CCAR1: variants seen among roughly 807,000 people sequenced by gnomAD.
The protein encoded by CCAR1 is cell division cycle and apoptosis regulator protein 1.
Under a neutral mutation model 163.8 loss-of-function variants are expected in CCAR1, and 78 were observed. That is an observed-to-expected ratio of 0.48 (90% confidence interval 0.40 to 0.57). The LOEUF (loss-of-function observed/expected upper bound fraction) is 0.57, where lower values mean the gene tolerates loss of function less well. Ranked by LOEUF, CCAR1 falls within the 20% of genes least tolerant of loss-of-function variation. CCAR1 has a pLI of 0.00. For missense variants in CCAR1, 1,019 were observed against 1,365.2 expected, an observed-to-expected ratio of 0.75 and a Z score of 4.00; for synonymous variants, 443 against 460.7, an observed-to-expected ratio of 0.96 and a Z score of 0.49.
Position 68,763,983 on chromosome 10 carries a change from T to C in CCAR1, c.2107-1905T>C, listed in dbSNP as rs533218713. 9.2e-5 allele frequency among the ~76,000 whole-genome samples: 14 copies of C among 152,324 alleles called. No individual in the cohort carries two copies. The South Asian group carries it at 2.9e-3, about 32-fold the overall frequency. On this transcript the variant is annotated intron_variant, in intron 16 of 24. Transcript: ENST00000265872. ...AGAATGGTATTTAGAATCCAAGATA[T>C]GCTCATTGCAATTAGGTTGCTGCTC...
intron 4 of CCAR1, among the ~76,000 whole-genome samples, chr10:68,739,817 T>A (rs890838640): frequency 6.6e-6 from 1 of 152,212 alleles, no homozygotes; most frequent in Non-Finnish European, 1.5e-5. Flanking sequence ...TTTGATATGA[T>A]CTAATCTCTA....
intron 6 of CCAR1, among the ~76,000 whole-genome samples, chr10:68,745,886 G>A (rs561119261): frequency 1.7e-4 from 26 of 152,146 alleles, no homozygotes; most frequent in African/African-American, 5.8e-4. Flanking sequence ...GCAAGTGATC[G>A]TTTGATTTTT....
Position 68,750,410 on chromosome 10 carries a change from C to T in CCAR1, c.1118+725C>T, listed in dbSNP as rs539594618. Among the ~76,000 whole-genome samples the T allele has an allele frequency of 9.2e-5, 14 of 151,852 alleles. No individual in the cohort carries two copies. The East Asian group carries it at 1.7e-3, about 19-fold the overall frequency. ...CTAATTTTTGTATTTTTAGTAGGGACGGGGTTTCACCATGTTGTTGGCCAG... is the reference window on the plus strand; with the variant it reads ...CTAATTTTTGTATTTTTAGTAGGGATGGGGTTTCACCATGTTGTTGGCCAG... On this transcript the variant is annotated intron_variant, in intron 10 of 24. Transcript: ENST00000265872.
chr10:68,782,000 T>C (rs1159887761), intron 19 of CCAR1, among the ~76,000 whole-genome samples: 1 of 152,186 alleles, frequency 6.6e-6, no homozygotes, highest in Non-Finnish European at 1.5e-5. Context: ...TTAGCCATGT[T>C]GTGAATGCAA....
rs772905932 is a variant in CCAR1, at chr10:68,771,328, A to G, written c.2421A>G (p.Lys807=). Residue 807 remains lysine, a synonymous_variant, in exon 18 of 25, where the codon AAA becomes AAG. Coordinates refer to ENST00000265872, the MANE Select transcript of CCAR1 (RefSeq NM_018237.4). The part of the protein sequence containing the change: ...EDKKEKDKKS[K]KDERKDKKEE... ...AAAAAGAAAAGGATAAAAAAAGCAA[A>G]AAAGATGAGAGAAAAGATAAAAAAG... is the stretch of plus-strand genomic sequence containing the variant. 2.5e-6 allele frequency: 4 copies of G among 1,609,276 alleles called. No individual in the cohort carries two copies. Among genetic ancestry groups the G allele is most frequent in the Non-Finnish European group, 3.4e-6 (4 of 1,177,356 alleles).
At chr10:68,782,118 TAGA>T (rs922645161) in intron 19 of CCAR1, among the ~76,000 whole-genome samples, 1 of 152,156 alleles carries the variant, frequency 6.6e-6, no homozygotes, top group African/African-American at 2.4e-5. Flanking sequence ...GGGGTCAGAA[TAGA>T]AGGTCACACC....
intron 10 of CCAR1, among the ~76,000 whole-genome samples, 171 bp from the exon 11 acceptor site, chr10:68,753,681 G>A (rs760775127): frequency 2.0e-5 from 3 of 152,156 alleles, no homozygotes; most frequent in African/African-American, 4.8e-5. Context: ...ATATAAATTT[G>A]AACGTAATAT....
chr10:68,747,276 G>A lies in CCAR1; in HGVS notation c.633+1G>A. On this transcript the variant is annotated splice_donor_variant, in intron 7 of 24. Transcript: ENST00000265872. LOFTEE classifies it high-confidence loss of function. ...GAGAATTCAAACACTACCAAATCAG[G>A]TACAGAAAGTATTGAGTTAGGTATT... The A allele has an allele frequency of 6.3e-7, 1 of 1,592,224 alleles. No individual in the cohort carries two copies. The highest frequency in any genetic ancestry group is 8.6e-7 in the Non-Finnish European group (1 of 1,164,290).
chr10:68,774,312 G>A (rs1047435940), intron 19 of CCAR1, among the ~76,000 whole-genome samples: 3 of 152,146 alleles, frequency 2.0e-5, no homozygotes, highest in Non-Finnish European at 4.4e-5. Flanking sequence ...ATAGGCGTGA[G>A]CTACATACGT....
chr10:68,754,705 C>T lies in CCAR1; in HGVS notation c.1345-9C>T, dbSNP rs1243193575. 7 of 1,429,660 alleles carry T rather than the reference C, an allele frequency of 4.9e-6. No individual in the cohort carries two copies. The highest frequency in any genetic ancestry group is 1.8e-4 in the Middle Eastern group (1 of 5,698). 88.6% of individuals were successfully genotyped at this position (1,429,660 alleles called of 1,614,324 possible). A position where few individuals can be genotyped will look rare whatever the true frequency, so the allele number is the denominator to read the frequency against. On this transcript the variant is annotated splice_polypyrimidine_tract_variant and intron_variant, in intron 11 of 24. Coordinates refer to ENST00000265872, the MANE Select transcript of CCAR1 (RefSeq NM_018237.4). ...CTTTTGACAGGATTGAATTATTTGA[C>T]TATAATAGGTAATGCTGATGGCTAG...
chr10:68,732,223 G>A (rs780520255), intron 2 of CCAR1, among the ~76,000 whole-genome samples: 12 of 152,050 alleles, frequency 7.9e-5, no homozygotes, highest in Admixed American at 2.0e-4. Context: ...AGAACATGCC[G>A]ATCTTAATTT....
At chr10:68,771,002 C>T (rs914276619) in intron 17 of CCAR1, among the ~76,000 whole-genome samples, 4 of 151,864 alleles carry the variant, frequency 2.6e-5, no homozygotes, top group Admixed American at 6.6e-5. Context: ...GGCGTGAACC[C>T]GGGAGGTGGA....
intron 6 of CCAR1, 83 bp downstream of exon 6, chr10:68,742,652 C>A: frequency 1.8e-6 from 2 of 1,118,038 alleles, no homozygotes; most frequent in South Asian, 1.4e-5. Flanking sequence ...TTGTATGTAG[C>A]CCAGGCTGGA....
intron 17 of CCAR1, among the ~76,000 whole-genome samples, chr10:68,770,154 C>G (rs2056584687): frequency 6.6e-6 from 1 of 152,040 alleles, no homozygotes; most frequent in African/African-American, 2.4e-5. Context: ...GAGGCCTTGT[C>G]TTACTATTCT....
chr10:68,760,972 T>C (rs547435429), intron 15 of CCAR1, 35 bp from the exon 16 acceptor site: 2 of 1,197,920 alleles, frequency 1.7e-6, no homozygotes, highest in African/African-American at 3.2e-5. Context: ...CCGCCACCTT[T>C]TTTTTTTCCG....
At chr10:68,754,645 T>C in intron 11 of CCAR1, 69 bp from the exon 12 acceptor site, 1 of 755,334 alleles carries the variant, frequency 1.3e-6, no homozygotes, top group Non-Finnish European at 2.3e-6. Flanking sequence ...TAAAGATAAT[T>C]AGTAGTGCTT....
At chr10:68,731,918 A>G (rs1159360808) in intron 2 of CCAR1, among the ~76,000 whole-genome samples, 2 of 152,144 alleles carry the variant, frequency 1.3e-5, no homozygotes, top group Admixed American at 6.6e-5. Flanking sequence ...AACTCATCAC[A>G]TGGACTGTCA....
Position 68,740,511 on chromosome 10 carries a change from A to C in CCAR1, c.292-118A>C. 3.5e-6 allele frequency: 3 copies of C among 854,222 alleles called. No individual in the cohort carries two copies. In the Admixed American group the frequency reaches 6.5e-5, roughly 19 times the overall value. The allele number at this position is 854,222 out of a possible 1,614,324, so 52.9% of individuals were successfully genotyped here. A position where few individuals can be genotyped will look rare whatever the true frequency, so the allele number is the denominator to read the frequency against. ...CATAGTGAGACCTCGTTTCTGTTTA[A>C]ATACATAAATAAAAATAAGTAGAAT... On this transcript the variant is annotated intron_variant, in intron 4 of 24. Coordinates refer to ENST00000265872, the MANE Select transcript of CCAR1 (RefSeq NM_018237.4).
rs548973952 is a variant in CCAR1 at position 68,786,035 on chromosome 10, T to C, written c.2651-101T>C. On this transcript the variant is annotated intron_variant, in intron 19 of 24. Coordinates refer to ENST00000265872, the MANE Select transcript of CCAR1 (RefSeq NM_018237.4). ...ATAGCTCACTACACCCTCGAACGCC[T>C]GGCCCTCCTGAGTAGCTGGGATAAC... 3 of 742,434 alleles carry C rather than the reference T, an allele frequency of 4.0e-6. No individual in the cohort carries two copies. The South Asian group carries it at 4.8e-5, about 12-fold the overall frequency. The allele number at this position is 742,434 out of a possible 1,614,324, so 46.0% of individuals were successfully genotyped here.
Sources: gnomAD v4.1 joint callset for allele counts (sites outside exome capture counted in the v4.1 genomes callset) on GRCh38, gnomAD v4.1.1 for gene constraint, MANE v1.5 for transcripts, NCBI Gene and HGNC (gene_info 2026-07-23, HGNC 2026-07-21) for gene names.